The following DACH1 variants were observed in gnomAD, a reference collection of about 807,000 sequenced individuals.
DACH1 encodes the protein dachshund family transcription factor 1.
Under a neutral mutation model 54.2 loss-of-function variants are expected in DACH1, and 12 were observed. The observed-to-expected ratio is 0.22, with a 90% CI of 0.14 to 0.36. DACH1 has a LOEUF of 0.36. DACH1 is among the 10% of genes least tolerant of loss of function. The pLI is 1.00. For synonymous variants in DACH1, 386 were observed against 366.2 expected (o/e 1.05, Z -0.62); for missense variants, 805 against 929.8 (o/e 0.87, Z 1.75).
At chr13:71,692,412 C>T (rs1881535805) in intron 1 of DACH1, among the ~76,000 whole-genome samples, 1 of 151,378 alleles carries the variant, frequency 6.6e-6, no homozygotes, top group South Asian at 2.1e-4. Flanking sequence ...TGATGGTAGG[C>T]ACTGATTATT....
intron 1 of DACH1, among the ~76,000 whole-genome samples, chr13:71,748,174 GA>G (rs757833092): frequency 9.1e-4 from 128 of 140,180 alleles, no homozygotes; most frequent in South Asian, 9.0e-4. Context: ...ATTGGGATCT[GA>G]AAAAAAAAAA....
intron 1 of DACH1, among the ~76,000 whole-genome samples, chr13:71,761,917 T>C (rs1024229994): frequency 4.6e-5 from 7 of 152,166 alleles, no homozygotes; most frequent in African/African-American, 1.7e-4. Context: ...ATTTAATAGA[T>C]AATATTTATA....
At chr13:71,484,679 T>A (rs1346813360) in intron 7 of DACH1, among the ~76,000 whole-genome samples, 1 of 152,216 alleles carries the variant, frequency 6.6e-6, no homozygotes, top group Non-Finnish European at 1.5e-5. Context: ...CTTATTTTAA[T>A]GTTTGTAAGC....
chr13:71,474,805 T>A (rs2138170957), intron 10 of DACH1, among the ~76,000 whole-genome samples: 1 of 152,344 alleles, frequency 6.6e-6, no homozygotes, highest in East Asian at 1.9e-4. Flanking sequence ...CATATTTTAT[T>A]TATGTAGCAC....
intron 1 of DACH1, among the ~76,000 whole-genome samples, chr13:71,746,315 A>C (rs1305299930): frequency 6.6e-6 from 1 of 152,230 alleles, no homozygotes; most frequent in Non-Finnish European, 1.5e-5. Context: ...GGAATGGAAG[A>C]AAATGTTGAA....
intron 10 of DACH1, among the ~76,000 whole-genome samples, chr13:71,474,313 T>TA (rs1228789322): frequency 6.6e-6 from 1 of 152,178 alleles, no homozygotes; most frequent in Non-Finnish European, 1.5e-5. Context: ...TATGATATCC[T>TA]AAAAATGATT....
intron 1 of DACH1, among the ~76,000 whole-genome samples, chr13:71,718,442 G>T (rs1350361375): frequency 6.6e-6 from 1 of 151,872 alleles, no homozygotes; most frequent in Non-Finnish European, 1.5e-5. Flanking sequence ...AACAAAATTA[G>T]CTGGGCATGG....
intron 6 of DACH1, among the ~76,000 whole-genome samples, chr13:71,497,713 G>A (rs1020456414): frequency 1.3e-5 from 2 of 151,442 alleles, no homozygotes; most frequent in African/African-American, 4.9e-5. Flanking sequence ...AATTATTACT[G>A]TATACATCAG....
chr13:71,781,364 T>C (rs1366122626), intron 1 of DACH1, among the ~76,000 whole-genome samples: 1 of 148,048 alleles, frequency 6.8e-6, no homozygotes, highest in Non-Finnish European at 1.5e-5. Context: ...ATTTATTTAT[T>C]TATTTATTTA....
chr13:71,463,116 C>A (rs1593732384), intron 10 of DACH1, among the ~76,000 whole-genome samples: 1 of 151,974 alleles, frequency 6.6e-6, no homozygotes, highest in Admixed American at 6.6e-5. Flanking sequence ...TTCAGCACTA[C>A]TCTCTTAGCA....
At chr13:71,661,840 T>G (rs1464443926) in intron 2 of DACH1, among the ~76,000 whole-genome samples, 1 of 151,968 alleles carries the variant, frequency 6.6e-6, no homozygotes, top group Non-Finnish European at 1.5e-5. Flanking sequence ...ATTTGAACCA[T>G]TTTTTCTCCC....
rs1339095956 is a variant in DACH1 at position 71,630,656 on chromosome 13, C to G, written c.1026G>C (p.Met342Ile). 2 of 1,611,862 alleles carry G rather than the reference C, an allele frequency of 1.2e-6. No homozygotes were observed. The highest frequency in any genetic ancestry group is 1.7e-5 in the Admixed American group (1 of 59,406). ...AATNAAIAEAMKVKKIKLEAM... is the reference protein window; with the variant it reads ...AATNAAIAEAIKVKKIKLEAM... ...CTTCTAATTTGATTTTTTTCACCTT[C>G]ATTGCTTCAGCAATAGCTGCATTGG... The change falls in exon 3 of 11, where the codon ATG (methionine) becomes ATC (isoleucine). Residue 342 changes from methionine to isoleucine, a missense_variant. Transcript: ENST00000613252.
intron 3 of DACH1, among the ~76,000 whole-genome samples, chr13:71,587,909 C>T (rs1681005455): frequency 6.6e-6 from 1 of 152,066 alleles, no homozygotes; most frequent in African/African-American, 2.4e-5. Flanking sequence ...AAAGCTGCAG[C>T]ACCTTGTTAC....
chr13:71,540,812 C>T (rs1035767792), intron 6 of DACH1, among the ~76,000 whole-genome samples: 9 of 151,862 alleles, frequency 5.9e-5, no homozygotes, highest in Non-Finnish European at 1.3e-4. Context: ...ACAAACTCAA[C>T]TTCAACTTCT....
chr13:71,505,980 A>AT (rs1206242194), intron 6 of DACH1, among the ~76,000 whole-genome samples: 1 of 152,080 alleles, frequency 6.6e-6, no homozygotes, highest in African/African-American at 2.4e-5. Flanking sequence ...AAACATGCAG[A>AT]TTTTGTTCCT....
intron 3 of DACH1, among the ~76,000 whole-genome samples, chr13:71,593,967 C>A (rs927550854): frequency 6.0e-5 from 9 of 151,110 alleles, no homozygotes; most frequent in Admixed American, 5.9e-4. Flanking sequence ...TATAGGTTAA[C>A]AATATAATTT....
chr13:71,750,845 G>A (rs140124947), intron 1 of DACH1, among the ~76,000 whole-genome samples: 1 of 152,236 alleles, frequency 6.6e-6, no homozygotes, highest in East Asian at 1.9e-4. Context: ...AGGGGTGGGA[G>A]CCATCAATGA....
intron 2 of DACH1, among the ~76,000 whole-genome samples, chr13:71,648,887 A>T (rs1566404922): frequency 6.6e-6 from 1 of 152,108 alleles, no homozygotes; most frequent in Non-Finnish European, 1.5e-5. Context: ...ACTGAAGGAG[A>T]TGCCACTACT....
At chr13:71,462,970 G>T (rs775204757) in intron 10 of DACH1, among the ~76,000 whole-genome samples, 6 of 151,636 alleles carry the variant, frequency 4.0e-5, no homozygotes, top group Non-Finnish European at 7.4e-5. Context: ...TCTATACTCA[G>T]TGAACAAAGT....
Sources: allele counts gnomAD v4.1 joint callset (sites outside exome capture counted in the v4.1 genomes callset), GRCh38; gene constraint gnomAD v4.1.1; transcripts MANE v1.5; gene names NCBI Gene and HGNC (gene_info 2026-07-23, HGNC 2026-07-21).